The following TMEM135 variants were observed in gnomAD, a reference collection of about 807,000 sequenced individuals.
TMEM135 encodes the protein transmembrane protein 135.
In TMEM135, 30 loss-of-function variants were observed where a neutral mutation model predicts 60.3. That is an observed-to-expected ratio of 0.50 (90% CI 0.37 to 0.68). The LOEUF is 0.68. Ranked by LOEUF, TMEM135 falls within the 30% of genes least tolerant of loss-of-function variation. The probability of loss-of-function intolerance (pLI) is 0.00; values close to 1 mark genes in which losing one functional copy is unlikely to be tolerated. For missense variants in TMEM135, 468 were observed against 548.8 expected, an observed-to-expected ratio of 0.85 and a Z score of 1.47; for synonymous variants, 190 against 186.7, an observed-to-expected ratio of 1.02 and a Z score of -0.14.
At chr11:87,124,508 A>G (rs577656104) in intron 4 of TMEM135, among the ~76,000 whole-genome samples, 1 of 152,244 alleles carries the variant, frequency 6.6e-6, no homozygotes, top group East Asian at 1.9e-4. Flanking sequence ...CCTGTGTAGC[A>G]TTCTTCCTGA....
In TMEM135 at chr11:87,106,096, A is replaced by G. The variant is rs1037348368; in HGVS notation, c.396+14701A>G. Among the ~76,000 whole-genome samples the G allele has an allele frequency of 7.3e-5, 11 of 150,332 alleles. No individual in the cohort carries two copies. In the South Asian group the frequency reaches 2.1e-3, roughly 29 times the overall value. The stretch of plus-strand genomic sequence containing the variant: ...AGTTCCATCTGTGTTGCTGCAACTG[A>G]CAGTATTTCTTTCTTTTTTTTTTTT... On this transcript the variant is annotated intron_variant, in intron 4 of 14. Transcript: ENST00000305494.
At chr11:87,243,489 G>A (rs1401877517) in intron 6 of TMEM135, among the ~76,000 whole-genome samples, 9 of 124,534 alleles carry the variant, frequency 7.2e-5, no homozygotes. Context: ...CCATGAGCAT[G>A]GAATGTTCTT....
At chr11:87,063,501 G>C (rs1033750154) in intron 1 of TMEM135, among the ~76,000 whole-genome samples, 50 of 152,186 alleles carry the variant, frequency 3.3e-4, no homozygotes, top group Non-Finnish European at 6.2e-4. Flanking sequence ...TTACTACATG[G>C]CTAACACAAT....
At chr11:87,069,775 A>T (rs1401498198) in intron 2 of TMEM135, among the ~76,000 whole-genome samples, 2 of 152,168 alleles carry the variant, frequency 1.3e-5, no homozygotes, top group Non-Finnish European at 2.9e-5. Context: ...TTTATATTGG[A>T]GTCTTCACAG....
chr11:87,053,227 T>G (rs889957252), intron 1 of TMEM135, among the ~76,000 whole-genome samples: 5 of 150,102 alleles, frequency 3.3e-5, no homozygotes, highest in Non-Finnish European at 7.4e-5. Context: ...ATGGAATACA[T>G]AAAAGGTAAC....
At chr11:87,120,047 G>A (rs761405479) in intron 4 of TMEM135, among the ~76,000 whole-genome samples, 5 of 151,752 alleles carry the variant, frequency 3.3e-5, no homozygotes, top group Non-Finnish European at 7.4e-5. Flanking sequence ...TTTGAAATGG[G>A]GAACATTGGT....
intron 4 of TMEM135, among the ~76,000 whole-genome samples, chr11:87,154,055 T>C (rs560422469): frequency 1.3e-5 from 2 of 152,350 alleles, no homozygotes; most frequent in Admixed American, 1.3e-4. Flanking sequence ...ATTCACATTG[T>C]TGTGCGTTCA....
intron 5 of TMEM135, among the ~76,000 whole-genome samples, chr11:87,184,774 A>C (rs1269288767): frequency 6.6e-6 from 1 of 152,164 alleles, no homozygotes; most frequent in East Asian, 1.9e-4. Context: ...ATGTTGTTAC[A>C]TACTCTTATA....
chr11:87,087,222 C>T (rs1404280165), intron 3 of TMEM135, among the ~76,000 whole-genome samples: 4 of 150,436 alleles, frequency 2.7e-5, no homozygotes, highest in Non-Finnish European at 4.4e-5. Flanking sequence ...TAACTGGTGG[C>T]TATAGTTATG....
chr11:87,267,295 A>C (rs1390588955), intron 6 of TMEM135, among the ~76,000 whole-genome samples: 1 of 152,186 alleles, frequency 6.6e-6, no homozygotes, highest in African/African-American at 2.4e-5. Context: ...TCATTTATTT[A>C]GATATATAGG....
At chr11:87,154,666 A>G (rs373992996) in intron 4 of TMEM135, among the ~76,000 whole-genome samples, 3 of 152,224 alleles carry the variant, frequency 2.0e-5, no homozygotes, top group East Asian at 3.8e-4. Context: ...GATAATAGCC[A>G]TTCTAATGGA....
At chr11:87,173,957 A>G (rs932386462) in intron 5 of TMEM135, among the ~76,000 whole-genome samples, 2 of 152,166 alleles carry the variant, frequency 1.3e-5, no homozygotes, top group African/African-American at 4.8e-5. Context: ...TACTCAACCA[A>G]ATTCTGCTGA....
intron 3 of TMEM135, among the ~76,000 whole-genome samples, chr11:87,072,103 G>C (rs1785314787): frequency 1.3e-5 from 2 of 152,156 alleles, no homozygotes; most frequent in Non-Finnish European, 2.9e-5. Flanking sequence ...TGAGGTGGGA[G>C]GATCACCCGA....
intron 4 of TMEM135, chr11:87,121,179 C>T (rs1157265653): frequency 8.5e-5 from 13 of 152,142 alleles, no homozygotes; most frequent in Admixed American, 8.5e-4. Context: ...GAATTCTCAC[C>T]TGAGGGAGCG....
chr11:87,091,534 G>T lies in TMEM135; in HGVS notation c.396+139G>T. ...TCTGTGTTAATGGATAGAATTAAAT[G>T]TTCAAAAAAGCCTTGATACCATCTG... is the stretch of plus-strand genomic sequence containing the variant. On this transcript the variant is annotated intron_variant, in intron 4 of 14. Coordinates refer to ENST00000305494, the MANE Select transcript of TMEM135 (RefSeq NM_022918.4). 4 of 807,404 alleles carry T rather than the reference G, an allele frequency of 5.0e-6. No homozygotes were observed. In the South Asian group the frequency reaches 6.6e-5, roughly 13 times the overall value. The allele number at this position is 807,404 out of a possible 1,614,324, so 50.0% of individuals were successfully genotyped here. A position where few individuals can be genotyped will look rare whatever the true frequency, so the allele number is the denominator to read the frequency against.
intron 4 of TMEM135, among the ~76,000 whole-genome samples, chr11:87,146,743 A>T (rs1356170096): frequency 6.6e-6 from 1 of 152,104 alleles, no homozygotes. Flanking sequence ...GAGTGTTTTC[A>T]CGTATATTAA....
intron 6 of TMEM135, among the ~76,000 whole-genome samples, chr11:87,269,990 A>T (rs1014130635): frequency 8.0e-6 from 1 of 124,596 alleles, no homozygotes; most frequent in African/African-American, 2.8e-5. Context: ...GTTTCTCCAC[A>T]TCCTCTCCAG....
intron 5 of TMEM135, among the ~76,000 whole-genome samples, chr11:87,163,135 C>A (rs1022604410): frequency 3.3e-5 from 5 of 149,504 alleles, no homozygotes; most frequent in Non-Finnish European, 5.9e-5. Context: ...GCACTGCACC[C>A]ACTAACTCCT....
At chr11:87,106,722 C>G (rs1857605794) in intron 4 of TMEM135, among the ~76,000 whole-genome samples, 1 of 152,122 alleles carries the variant, frequency 6.6e-6, no homozygotes, top group Non-Finnish European at 1.5e-5. Flanking sequence ...ATTCTATCTG[C>G]TTACTCATTA....
Sources: gnomAD v4.1 joint callset for allele counts (sites outside exome capture counted in the v4.1 genomes callset) on GRCh38, gnomAD v4.1.1 for gene constraint, MANE v1.5 for transcripts, NCBI Gene and HGNC (gene_info 2026-07-23, HGNC 2026-07-21) for gene names.